RIMBP2: variants seen among roughly 807,000 people sequenced by gnomAD.
RIMBP2 encodes RIMS binding protein 2, also known as RIMS-binding protein 2.
RIMBP2 carries 48 observed loss-of-function variants against 118.6 expected under a neutral mutation model. The observed-to-expected ratio is 0.40, with a 90% CI of 0.32 to 0.51. The LOEUF is 0.51. RIMBP2 is among the 20% of genes least tolerant of loss of function. The probability of loss-of-function intolerance (pLI) is 0.41; values close to 1 mark genes in which losing one functional copy is unlikely to be tolerated. For synonymous variants in RIMBP2, 762 were observed against 742.9 expected (o/e 1.03, Z -0.42); for missense variants, 1,551 against 1,768.3 (o/e 0.88, Z 2.20).
At position 130,670,665 on chromosome 12, in the gene RIMBP2, C is replaced by T. The variant is rs1033173582; in HGVS notation, c.-351-42209G>A. On this transcript the variant is annotated intron_variant, in intron 1 of 22. Transcript: ENST00000690449. This position sits in a 1 kb window ranked among gnomAD's most constrained non-coding sequence, Gnocchi z 4.9. The stretch of plus-strand genomic sequence containing the variant: ...CACTAGAGAGGCTGGAAAGGAGAAA[C>T]GCTCACTGTCCCACCCTCCCTTGCA... Among the ~76,000 whole-genome samples, 4 of 152,190 alleles carry T rather than the reference C, an allele frequency of 2.6e-5. No homozygotes were observed. The highest frequency in any genetic ancestry group is 2.4e-5 in the African/African-American group (1 of 41,452).
chr12:130,610,623 C>T (rs1007703840), intron 2 of RIMBP2, among the ~76,000 whole-genome samples: 13 of 132,404 alleles, frequency 9.8e-5, no homozygotes, highest in Middle Eastern at 5.0e-3. Flanking sequence ...TGCAGTGGCG[C>T]GATCTCGGCT....
At chr12:130,574,577 C>T (rs968185971) in intron 2 of RIMBP2, among the ~76,000 whole-genome samples, 1 of 152,128 alleles carries the variant, frequency 6.6e-6, no homozygotes, top group Non-Finnish European at 1.5e-5. Context: ...CCTGGTAGGC[C>T]GCAGGCAGCT....
At chr12:130,624,877 C>T (rs9630244) in intron 2 of RIMBP2, among the ~76,000 whole-genome samples, 86,624 of 151,876 alleles carry the variant, frequency 0.57, 26,574 homozygotes, top group Admixed American at 0.67. Flanking sequence ...GGCACACGAC[C>T]CCACGCCCAG....
chr12:130,641,101 G>T lies in RIMBP2; in HGVS notation c.-351-12645C>A, dbSNP rs191677252. Among the ~76,000 whole-genome samples, 10 of 152,298 alleles carry T rather than the reference G, an allele frequency of 6.6e-5. No homozygotes were observed. The East Asian group carries it at 1.9e-3, about 30-fold the overall frequency. On this transcript the variant is annotated intron_variant, in intron 1 of 22. Transcript: ENST00000690449. ...ATCATTTTAACTGATTCTAACACGT[G>T]CCTTGGAATGCCAGCACAGTGCTCT...
At position 130,543,869 on chromosome 12, in the gene RIMBP2, T is replaced by C. The variant is rs765973507; in HGVS notation, c.-216-25952A>G. Among the ~76,000 whole-genome samples, 10 of 152,240 alleles carry C rather than the reference T, an allele frequency of 6.6e-5. 1 individual carries two copies. Among genetic ancestry groups the C allele is most frequent in the Non-Finnish European group, 1.2e-4 (8 of 68,040 alleles). ...TTTAACAGCAATTTAAGTCATTTTA[T>C]GCCTCTTGAGCTTTGGAAACCTGTC... On this transcript the variant is annotated intron_variant, in intron 2 of 22. Coordinates refer to ENST00000690449, the MANE Select transcript of RIMBP2 (RefSeq NM_001393629.1).
chr12:130,439,576 T>A, intron 11 of RIMBP2, among the ~76,000 whole-genome samples: 1 of 123,232 alleles, frequency 8.1e-6, no homozygotes, highest in Non-Finnish European at 1.7e-5. Context: ...TGTATGTGGG[T>A]CTGTGGGGGT....
chr12:130,461,153 C>T (rs1434221806), intron 6 of RIMBP2, among the ~76,000 whole-genome samples: 1 of 152,162 alleles, frequency 6.6e-6, no homozygotes, highest in Non-Finnish European at 1.5e-5. Flanking sequence ...GATGCCCTAG[C>T]CACACTGCCC....
At chr12:130,574,074 G>A (rs1324859073) in intron 2 of RIMBP2, among the ~76,000 whole-genome samples, 2 of 152,144 alleles carry the variant, frequency 1.3e-5, no homozygotes, top group Non-Finnish European at 2.9e-5. Context: ...TGGCACGCGG[G>A]GAGGTCAAGC....
At chr12:130,634,346 G>T (rs2062207481) in intron 1 of RIMBP2, among the ~76,000 whole-genome samples, 1 of 152,166 alleles carries the variant, frequency 6.6e-6, no homozygotes. Flanking sequence ...GTGAGGAAGC[G>T]GGAGGAAAAG....
chr12:130,700,606 AG>A (rs2065811834), intron 1 of RIMBP2, among the ~76,000 whole-genome samples: 1 of 152,234 alleles, frequency 6.6e-6, no homozygotes, highest in African/African-American at 2.4e-5. Context: ...GCCACAGCCA[AG>A]GAACACCTGG....
intron 2 of RIMBP2, among the ~76,000 whole-genome samples, chr12:130,531,781 A>T (rs1451238814): frequency 6.6e-6 from 1 of 152,250 alleles, no homozygotes; most frequent in Non-Finnish European, 1.5e-5. Flanking sequence ...GTGCTTTCAG[A>T]GATTCTAGTA....
intron 19 of RIMBP2, among the ~76,000 whole-genome samples, chr12:130,410,946 G>A (rs763359609): frequency 6.6e-6 from 1 of 152,074 alleles, no homozygotes; most frequent in Non-Finnish European, 1.5e-5. Context: ...GGCTCACTTG[G>A]GGCAGCTGAC....
intron 11 of RIMBP2, 130 bp from the exon 12 acceptor site, chr12:130,438,646 G>T (rs1347808104): frequency 1.1e-5 from 7 of 619,808 alleles, no homozygotes; most frequent in Non-Finnish European, 1.5e-5. Flanking sequence ...AGAGAAGACA[G>T]TGTTGAAAGC....
Position 130,578,919 on chromosome 12 carries a change from G to A in RIMBP2, c.-217+49403C>T, listed in dbSNP as rs1465797341. On this transcript the variant is annotated intron_variant, in intron 2 of 22. Transcript: ENST00000690449. This position sits in a 1 kb window ranked among gnomAD's most constrained non-coding sequence, Gnocchi z 4.1. ...TTATTAAATATATTCATAGTTCTGC[G>A]GTGAAATATGTAAATACAAATCAAG... Among the ~76,000 whole-genome samples, 3 of 152,012 alleles carry A rather than the reference G, an allele frequency of 2.0e-5. No individual in the cohort carries two copies. Among genetic ancestry groups the A allele is most frequent in the African/African-American group, 2.4e-5 (1 of 41,342 alleles).
In RIMBP2 at chr12:130,428,269, CATG is replaced by C; in HGVS notation, c.2319_2321del (p.Ile773del). 1 of 1,613,758 alleles carries C rather than the reference CATG, an allele frequency of 6.2e-7. No individual in the cohort carries two copies. Among genetic ancestry groups the C allele is most frequent in the Non-Finnish European group, 8.5e-7 (1 of 1,179,832 alleles). ...AATACAGCTCCTCCTCGTCCTCCTCCATGATGTCTGAGAGGTCAGACCCCCGGC... is the reference window on the plus strand; with the variant it reads ...AATACAGCTCCTCCTCGTCCTCCTCCATGTCTGAGAGGTCAGACCCCCGGC... On this transcript the variant is annotated inframe_deletion, in exon 15 of 23. Coordinates refer to ENST00000690449, the MANE Select transcript of RIMBP2 (RefSeq NM_001393629.1).
At chr12:130,439,296 G>T (rs374685314) in intron 11 of RIMBP2, among the ~76,000 whole-genome samples, 4 of 151,456 alleles carry the variant, frequency 2.6e-5, no homozygotes, top group African/African-American at 4.9e-5. Flanking sequence ...TGTATATGTG[G>T]GTGTGTGTGT....
At chr12:130,628,606 T>C (rs1465407090) in intron 1 of RIMBP2, 150 bp from the exon 2 acceptor site, 1 of 152,174 alleles carries the variant, frequency 6.6e-6, no homozygotes. Context: ...GAGGGCTGAG[T>C]GAGGGACAGA....
At position 130,407,747 on chromosome 12, in the gene RIMBP2, G is replaced by C. The variant is rs199508370; in HGVS notation, c.3672C>G (p.Ser1224Arg). 1.8e-5 allele frequency: 29 copies of C among 1,613,952 alleles called. No individual in the cohort carries two copies. Among genetic ancestry groups the C allele is most frequent in the Non-Finnish European group, 2.3e-5 (27 of 1,179,934 alleles). The change falls in exon 20 of 23, where the codon AGC becomes AGG. Residue 1224 changes from serine to arginine, a missense_variant. Physicochemically the swap from Ser to Arg is moderately radical, Grantham distance 110. Around this residue, in one of 5 missense-constraint regions of RIMBP2, gnomAD observed 1,038 missense variants for 1,125.1 expected, o/e 0.92. Transcript: ENST00000690449. ...VALYDYDPRE[S>R]SPNVDVEAEL... ...GTACCTCGACATCGACGTTGGGCGA[G>C]CTTTCTCTGGGGTCGTAGTCATACA...
chr12:130,535,752 T>TATATATATATATATATACATATATATAC, intron 2 of RIMBP2, among the ~76,000 whole-genome samples: 1 of 54,924 alleles, frequency 1.8e-5, no homozygotes, highest in Non-Finnish European at 4.3e-5. Context: ...TATATATATA[T>TATATATATATATATATACATATATATAC]ATATATATAT....
Sources: gnomAD v4.1 joint callset for allele counts (sites outside exome capture counted in the v4.1 genomes callset) on GRCh38, gnomAD v4.1.1 for gene constraint, gnomAD v4.1.1 regional missense constraint, Gnocchi (gnomAD v3.1) non-coding constraint, MANE v1.5 for transcripts, NCBI Gene and HGNC (gene_info 2026-07-23, HGNC 2026-07-21) for gene names.